Variants in LRRC4C observed in about 807,000 individuals in gnomAD.
The protein encoded by LRRC4C is leucine-rich repeat-containing protein 4C.
A neutral mutation model predicts 33.6 loss-of-function variants in LRRC4C; 5 were observed. The ratio of observed to expected loss-of-function variants is 0.15; its 90% CI spans 0.08 to 0.31. LRRC4C has a LOEUF of 0.31. Among genes scored for constraint, LRRC4C ranks in the 10% least tolerant of loss-of-function variants. LRRC4C has a pLI of 1.00. For missense variants in LRRC4C, 560 were observed against 796.7 expected, an observed-to-expected ratio of 0.70 and a Z score of 3.58; for synonymous variants, 329 against 302.0, an observed-to-expected ratio of 1.09 and a Z score of -0.93.
chr11:40,811,477 A>C (rs190546823), intron 2 of LRRC4C, among the ~76,000 whole-genome samples: 1 of 152,272 alleles, frequency 6.6e-6, no homozygotes, highest in Non-Finnish European at 1.5e-5. Flanking sequence ...CAATAAATAT[A>C]TTTGAATTAA....
intron 2 of LRRC4C, among the ~76,000 whole-genome samples, chr11:40,817,760 A>G (rs1951764719): frequency 6.6e-6 from 1 of 152,058 alleles, no homozygotes; most frequent in Non-Finnish European, 1.5e-5. Flanking sequence ...TGACTCCTCA[A>G]ATGCTTACAA....
chr11:41,281,707 T>G (rs1949683083), intron 1 of LRRC4C, among the ~76,000 whole-genome samples: 1 of 152,180 alleles, frequency 6.6e-6, no homozygotes, highest in African/African-American at 2.4e-5. Context: ...AACTGATAGT[T>G]TACTAGATTT....
At chr11:40,877,340 T>A (rs1447814057) in intron 2 of LRRC4C, among the ~76,000 whole-genome samples, 1 of 152,170 alleles carries the variant, frequency 6.6e-6, no homozygotes, top group Admixed American at 6.5e-5. Flanking sequence ...GCAGCTCTGG[T>A]GTTTGTTGCC....
intron 1 of LRRC4C, among the ~76,000 whole-genome samples, chr11:41,158,032 C>T (rs924178945): frequency 6.6e-6 from 1 of 151,966 alleles, no homozygotes; most frequent in Non-Finnish European, 1.5e-5. Flanking sequence ...TGCCTGTTGA[C>T]CATCCCCAAT....
rs545145609 is a variant in LRRC4C at position 41,330,012 on chromosome 11, A to G, written c.-496+129419T>C. Among the ~76,000 whole-genome samples, 4 of 152,362 alleles carry G rather than the reference A, an allele frequency of 2.6e-5. No individual in the cohort carries two copies. In the South Asian group the frequency reaches 8.3e-4, roughly 32 times the overall value. Reference sequence around the variant, plus strand: ...ATTTTCCAGAAGGTTAATACCTGAGAGAAATAGAGAAAATCAAACTTTGTT... The same window carrying G: ...ATTTTCCAGAAGGTTAATACCTGAGGGAAATAGAGAAAATCAAACTTTGTT... On this transcript the variant is annotated intron_variant, in intron 1 of 6. Coordinates refer to ENST00000528697, the MANE Select transcript of LRRC4C (RefSeq NM_001258419.2).
chr11:40,343,367 A>G (rs1408670594), intron 3 of LRRC4C, among the ~76,000 whole-genome samples: 1 of 152,108 alleles, frequency 6.6e-6, no homozygotes, highest in Non-Finnish European at 1.5e-5. Flanking sequence ...ACACATAAAT[A>G]TTAATTTTTG....
intron 3 of LRRC4C, among the ~76,000 whole-genome samples, chr11:40,516,229 T>C (rs899691825): frequency 1.3e-5 from 2 of 152,092 alleles, no homozygotes; most frequent in Non-Finnish European, 2.9e-5. Flanking sequence ...AATCCTATAA[T>C]CTTATAAGGT....
intron 1 of LRRC4C, among the ~76,000 whole-genome samples, chr11:41,292,076 G>A (rs1168598512): frequency 1.3e-5 from 2 of 152,110 alleles, no homozygotes; most frequent in East Asian, 3.9e-4. Flanking sequence ...GCTCCTGCAT[G>A]GAACTGAACT....
At chr11:41,038,172 G>A (rs1857215218) in intron 1 of LRRC4C, among the ~76,000 whole-genome samples, 1 of 152,158 alleles carries the variant, frequency 6.6e-6, no homozygotes, top group Admixed American at 6.5e-5. Flanking sequence ...TCTGGACATA[G>A]GTGGCACATT....
intron 1 of LRRC4C, among the ~76,000 whole-genome samples, chr11:40,987,391 G>C (rs937790738): frequency 6.6e-6 from 1 of 151,896 alleles, no homozygotes; most frequent in Non-Finnish European, 1.5e-5. Flanking sequence ...ATAACAAAAG[G>C]CTGAATTTGG....
chr11:40,894,957 T>G (rs928592787), intron 2 of LRRC4C, among the ~76,000 whole-genome samples: 4 of 152,170 alleles, frequency 2.6e-5, no homozygotes, highest in Non-Finnish European at 5.9e-5. Flanking sequence ...TCTTTTCATC[T>G]TAGCCCCTCT....
intron 1 of LRRC4C, among the ~76,000 whole-genome samples, chr11:41,301,851 T>C (rs929900529): frequency 6.6e-6 from 1 of 152,222 alleles, no homozygotes; most frequent in Non-Finnish European, 1.5e-5. Flanking sequence ...AACTGCCCTA[T>C]ATTTTTCACC....
At chr11:41,098,154 T>G (rs1464009455) in intron 1 of LRRC4C, among the ~76,000 whole-genome samples, 1 of 152,098 alleles carries the variant, frequency 6.6e-6, no homozygotes, top group African/African-American at 2.4e-5. Context: ...GCTCCTCTGC[T>G]TTCCTTACTT....
At position 40,138,294 on chromosome 11, in the gene LRRC4C, T is replaced by G. The variant is rs541574328; in HGVS notation, c.-43+2507A>C. Among the ~76,000 whole-genome samples, 3 of 152,204 alleles carry G rather than the reference T, an allele frequency of 2.0e-5. No individual in the cohort carries two copies. In the East Asian group the frequency reaches 5.8e-4, roughly 29 times the overall value. ...GTAAACCTTCTACCTCAGCCTCCCT[T>G]CAGAGTAGCTGGACTATAGGTGCAT... On this transcript the variant is annotated intron_variant, in intron 6 of 6. Transcript: ENST00000528697.
At chr11:41,081,809 AG>A (rs1189971073) in intron 1 of LRRC4C, among the ~76,000 whole-genome samples, 1 of 152,200 alleles carries the variant, frequency 6.6e-6, no homozygotes, top group Non-Finnish European at 1.5e-5. Context: ...AAGCTAAGAC[AG>A]ACGAAAGTAG....
At chr11:40,143,094 C>T (rs1225970007) in intron 5 of LRRC4C, among the ~76,000 whole-genome samples, 1 of 152,154 alleles carries the variant, frequency 6.6e-6, no homozygotes, top group Non-Finnish European at 1.5e-5. Flanking sequence ...TGTATCACCT[C>T]TACATCTTAT....
At chr11:41,066,864 T>C (rs1938281119) in intron 1 of LRRC4C, among the ~76,000 whole-genome samples, 1 of 152,162 alleles carries the variant, frequency 6.6e-6, no homozygotes, top group South Asian at 2.1e-4. Context: ...AAGCAAATGC[T>C]GAGGGAATTC....
intron 3 of LRRC4C, among the ~76,000 whole-genome samples, chr11:40,483,467 C>A (rs116505262): frequency 0.038 from 5,831 of 152,110 alleles, 327 homozygotes; most frequent in African/African-American, 0.12. Flanking sequence ...TTAAATAACA[C>A]AATCAATGGG....
intron 1 of LRRC4C, among the ~76,000 whole-genome samples, chr11:41,447,161 C>G (rs190353373): frequency 1.3e-5 from 2 of 152,144 alleles, no homozygotes; most frequent in South Asian, 4.1e-4. Context: ...CATCTTCTCA[C>G]GTCCCAGCTC....
Sources: allele counts gnomAD v4.1 joint callset (sites outside exome capture counted in the v4.1 genomes callset), GRCh38; gene constraint gnomAD v4.1.1; transcripts MANE v1.5; gene names NCBI Gene and HGNC (gene_info 2026-07-23, HGNC 2026-07-21).